Variants in TAOK3 observed in about 807,000 individuals in gnomAD.
TAOK3 encodes the protein serine/threonine-protein kinase TAO3.
In TAOK3, 40 loss-of-function variants were observed where a neutral mutation model predicts 120.4. The observed-to-expected ratio is 0.33, with a 90% confidence interval of 0.26 to 0.43. TAOK3 has a LOEUF of 0.43. Among genes scored for constraint, TAOK3 ranks in the 20% least tolerant of loss-of-function variants. TAOK3 has a pLI of 1.00. For missense variants in TAOK3, 821 were observed against 1,112.1 expected (o/e 0.74, Z 3.72); for synonymous variants, 355 against 387.5 (o/e 0.92, Z 0.99).
intron 1 of TAOK3, among the ~76,000 whole-genome samples, chr12:118,355,496 C>T (rs2045351978): frequency 6.6e-6 from 1 of 152,180 alleles, no homozygotes; most frequent in Non-Finnish European, 1.5e-5. Flanking sequence ...ATTAAATCTA[C>T]AGTCGATCCC....
At chr12:118,239,301 T>C (rs2040144671) in intron 5 of TAOK3, 29 bp from the exon 6 acceptor site, 3 of 1,318,424 alleles carry the variant, frequency 2.3e-6, no homozygotes, top group East Asian at 4.7e-5. Context: ...ATATTCAGAA[T>C]AATGAAAGTT....
chr12:118,296,635 A>T (rs2042691641), intron 1 of TAOK3, among the ~76,000 whole-genome samples: 1 of 152,172 alleles, frequency 6.6e-6, no homozygotes, highest in Middle Eastern at 3.2e-3. Context: ...AGCATGGGTG[A>T]TATTTTCAGT....
chr12:118,262,489 A>G (rs1483617748), intron 2 of TAOK3, among the ~76,000 whole-genome samples: 1 of 151,996 alleles, frequency 6.6e-6, no homozygotes, highest in Non-Finnish European at 1.5e-5. Context: ...CTCAAAGAGA[A>G]AGAAAAAGAA....
chr12:118,305,623 G>A (rs748998506), intron 1 of TAOK3, among the ~76,000 whole-genome samples: 9 of 152,136 alleles, frequency 5.9e-5, no homozygotes, highest in East Asian at 3.9e-4. Context: ...AAAAGTTGGC[G>A]GCTGGGCGTG....
chr12:118,151,843 G>A (rs893397676), intron 20 of TAOK3, among the ~76,000 whole-genome samples: 4 of 151,968 alleles, frequency 2.6e-5, no homozygotes, highest in African/African-American at 9.7e-5. Flanking sequence ...ATTTCTCTCG[G>A]TTTAAAAATA....
At chr12:118,282,410 A>G (rs768810661) in intron 1 of TAOK3, among the ~76,000 whole-genome samples, 11 of 152,148 alleles carry the variant, frequency 7.2e-5, no homozygotes, top group Non-Finnish European at 1.0e-4. Flanking sequence ...TATCACTCCT[A>G]TGCCTTTTGG....
intron 1 of TAOK3, among the ~76,000 whole-genome samples, chr12:118,324,073 A>G (rs2043829744): frequency 6.6e-6 from 1 of 152,232 alleles, no homozygotes; most frequent in Admixed American, 6.5e-5. Flanking sequence ...AACAAAAATT[A>G]TGATATAAAT....
At chr12:118,295,056 A>ATT (rs60657336) in intron 1 of TAOK3, among the ~76,000 whole-genome samples, 5 of 147,070 alleles carry the variant, frequency 3.4e-5, no homozygotes, top group African/African-American at 7.5e-5. Flanking sequence ...AATGGTCAGC[A>ATT]TTTTTTTTTT....
chr12:118,317,771 T>C (rs1411330688), intron 1 of TAOK3, among the ~76,000 whole-genome samples: 5 of 151,988 alleles, frequency 3.3e-5, no homozygotes, highest in Admixed American at 1.3e-4. Flanking sequence ...CTAAAATCCA[T>C]ATGATTTCAA....
At position 118,161,684 on chromosome 12, in the gene TAOK3, G is replaced by T. The variant is rs2035228421; in HGVS notation, c.2139+104C>A. 1.4e-6 allele frequency: 2 copies of T among 1,406,194 alleles called. No homozygotes were observed. The highest frequency in any genetic ancestry group is 1.4e-5 in the African/African-American group (1 of 70,596). 87.1% of individuals were successfully genotyped at this position (1,406,194 alleles called of 1,614,324 possible). On this transcript the variant is annotated intron_variant, in intron 18 of 20. Transcript: ENST00000392533. This position sits in a 1 kb window ranked among gnomAD's most constrained non-coding sequence, Gnocchi z 4.5. ...GGAGATTCTGATACAATAGGTGTGG[G>T]GTGCAGAAATTTGTGATTCTGAAAA...
intron 1 of TAOK3, among the ~76,000 whole-genome samples, chr12:118,319,229 A>G (rs1010639133): frequency 6.6e-6 from 1 of 152,224 alleles, no homozygotes; most frequent in East Asian, 1.9e-4. Flanking sequence ...TTTGTCAATT[A>G]TAAAATAAAT....
intron 1 of TAOK3, among the ~76,000 whole-genome samples, chr12:118,319,591 A>G (rs2043615874): frequency 6.6e-6 from 1 of 152,162 alleles, no homozygotes; most frequent in Admixed American, 6.6e-5. Context: ...CAATAAACAC[A>G]TGAAAAAATG....
intron 14 of TAOK3, among the ~76,000 whole-genome samples, chr12:118,186,141 G>A (rs886546692): frequency 2.0e-5 from 3 of 152,102 alleles, no homozygotes; most frequent in Non-Finnish European, 2.9e-5. Context: ...ATCGAATCTG[G>A]CAAAGCGAAG....
At position 118,201,173 on chromosome 12, in the gene TAOK3, T is replaced by C. The variant is rs546422814; in HGVS notation, c.987+123A>G. On this transcript the variant is annotated intron_variant, in intron 12 of 20. Coordinates refer to ENST00000392533, the MANE Select transcript of TAOK3 (RefSeq NM_016281.4). ...TGAATGTCTCTTGTACAACCCTTCATGTTTCTTAAGGCGGACAGCATCAAT... is the reference window on the plus strand; with the variant it reads ...TGAATGTCTCTTGTACAACCCTTCACGTTTCTTAAGGCGGACAGCATCAAT... 38 of 920,714 alleles carry C rather than the reference T, an allele frequency of 4.1e-5. 1 individual carries two copies. Among genetic ancestry groups the C allele is most frequent in the Non-Finnish European group, 5.5e-5 (34 of 617,596 alleles). 57.0% of individuals were successfully genotyped at this position (920,714 alleles called of 1,614,324 possible).
intron 6 of TAOK3, among the ~76,000 whole-genome samples, chr12:118,238,910 C>T (rs1182469489): frequency 1.3e-5 from 2 of 152,168 alleles, no homozygotes; most frequent in Admixed American, 6.5e-5. Flanking sequence ...ATCAATATAA[C>T]GTGAGACTAT....
At chr12:118,242,449 C>T (rs1359284595) in intron 5 of TAOK3, among the ~76,000 whole-genome samples, 1 of 152,110 alleles carries the variant, frequency 6.6e-6, no homozygotes, top group Non-Finnish European at 1.5e-5. Context: ...ACAATAAATG[C>T]TAGTTAAATT....
intron 9 of TAOK3, among the ~76,000 whole-genome samples, chr12:118,216,558 C>G (rs186209916): frequency 6.6e-6 from 1 of 152,134 alleles, no homozygotes; most frequent in Non-Finnish European, 1.5e-5. Context: ...ATTTGTGGAT[C>G]AAAGGAAAGA....
chr12:118,214,578 CTTTT>C (rs34183512), intron 9 of TAOK3, among the ~76,000 whole-genome samples: 3 of 140,498 alleles, frequency 2.1e-5, no homozygotes, highest in Non-Finnish European at 3.1e-5. Context: ...TAAAATGCAA[CTTTT>C]TTTTTTTTTT....
chr12:118,165,835 T>G lies in TAOK3; in HGVS notation c.1900-3808A>C, dbSNP rs114649737. On this transcript the variant is annotated intron_variant, in intron 17 of 20. Coordinates refer to ENST00000392533, the MANE Select transcript of TAOK3 (RefSeq NM_016281.4). ...GCATATAATATCTTAAATCTAGTTTTTATAAACTATTAGAAGAGTAAGAAA... is the reference window on the plus strand; with the variant it reads ...GCATATAATATCTTAAATCTAGTTTGTATAAACTATTAGAAGAGTAAGAAA... 4.4e-3 allele frequency among the ~76,000 whole-genome samples: 676 copies of G among 152,346 alleles called. 7 individuals carry two copies. Among genetic ancestry groups the G allele is most frequent in the African/African-American group, 0.016 (662 of 41,572 alleles).
Sources: allele counts gnomAD v4.1 joint callset (sites outside exome capture counted in the v4.1 genomes callset), GRCh38; gene constraint gnomAD v4.1.1; non-coding constraint Gnocchi (gnomAD v3.1); transcripts MANE v1.5; gene names NCBI Gene and HGNC (gene_info 2026-07-23, HGNC 2026-07-21).